The following FBXL20 variants were observed in gnomAD, a reference collection of about 807,000 sequenced individuals.
FBXL20 encodes the protein F-box and leucine rich repeat protein 20.
Under a neutral mutation model 64.0 loss-of-function variants are expected in FBXL20, and 11 were observed. The observed-to-expected ratio is 0.17, with a 90% CI of 0.11 to 0.28. FBXL20 has a LOEUF of 0.28. FBXL20 is among the 10% of genes least tolerant of loss of function. The probability of loss-of-function intolerance (pLI) is 1.00; values close to 1 mark genes in which losing one functional copy is unlikely to be tolerated. For synonymous variants in FBXL20, 184 were observed against 189.0 expected (o/e 0.97, Z 0.22); for missense variants, 303 against 526.2 (o/e 0.58, Z 4.15).
chr17:39,319,796 T>C (rs2047336727), intron 2 of FBXL20, among the ~76,000 whole-genome samples: 1 of 148,898 alleles, frequency 6.7e-6, no homozygotes, highest in South Asian at 2.1e-4. Context: ...ATTTTTAAAA[T>C]AGAGACCGGG....
At chr17:39,291,881 G>C (rs1350500618) in intron 6 of FBXL20, among the ~76,000 whole-genome samples, 7 of 152,028 alleles carry the variant, frequency 4.6e-5, no homozygotes, top group Admixed American at 3.3e-4. Context: ...GCAATTCTTT[G>C]AACTATGGGT....
intron 6 of FBXL20, among the ~76,000 whole-genome samples, chr17:39,293,104 C>A (rs776430171): frequency 1.6e-4 from 24 of 151,622 alleles, no homozygotes; most frequent in Non-Finnish European, 3.2e-4. Context: ...ACATGTCTTA[C>A]AATTTTTGAT....
At chr17:39,337,721 T>C (rs935789889) in intron 2 of FBXL20, among the ~76,000 whole-genome samples, 1 of 150,922 alleles carries the variant, frequency 6.6e-6, no homozygotes, top group Non-Finnish European at 1.5e-5. Flanking sequence ...AGTTGCCCCG[T>C]CTGAGAAGGG....
intron 2 of FBXL20, among the ~76,000 whole-genome samples, chr17:39,312,907 G>A (rs1296482334): frequency 4.4e-5 from 6 of 136,258 alleles, no homozygotes; most frequent in Admixed American, 3.1e-4. Flanking sequence ...ATTTGATAAT[G>A]AAGATAGTTA....
intron 5 of FBXL20, among the ~76,000 whole-genome samples, chr17:39,298,566 T>TTA (rs1347447512): frequency 6.6e-6 from 1 of 151,974 alleles, no homozygotes; most frequent in Non-Finnish European, 1.5e-5. Flanking sequence ...AAAAAAATTT[T>TTA]AAAACTTAGC....
At chr17:39,321,212 G>C (rs1470768010) in intron 2 of FBXL20, among the ~76,000 whole-genome samples, 1 of 152,132 alleles carries the variant, frequency 6.6e-6, no homozygotes, top group Non-Finnish European at 1.5e-5. Flanking sequence ...CCAGCACTTT[G>C]GGAGGCCAAG....
chr17:39,276,036 C>G lies in FBXL20; in HGVS notation c.697-936G>C, dbSNP rs113782552. ...CTGAGGTGGGTGGATCACCTGAGGT[C>G]GGGAGTTCGAGACCAGCCTGGCCAA... is the stretch of plus-strand genomic sequence containing the variant. On this transcript the variant is annotated intron_variant, in intron 9 of 14. Coordinates refer to ENST00000264658, the MANE Select transcript of FBXL20 (RefSeq NM_032875.3). Among the ~76,000 whole-genome samples, 643 of 150,994 alleles carry G rather than the reference C, an allele frequency of 4.3e-3. 7 individuals are homozygous for G. The highest frequency in any genetic ancestry group is 0.015 in the African/African-American group (610 of 41,140).
chr17:39,294,442 G>A (rs2047067190), intron 6 of FBXL20, among the ~76,000 whole-genome samples: 1 of 151,826 alleles, frequency 6.6e-6, no homozygotes, highest in Non-Finnish European at 1.5e-5. Context: ...ACCATGCCTG[G>A]CTAATTTTTT....
intron 12 of FBXL20, among the ~76,000 whole-genome samples, chr17:39,267,194 G>A (rs2046799344): frequency 6.6e-6 from 1 of 152,094 alleles, no homozygotes; most frequent in Non-Finnish European, 1.5e-5. Flanking sequence ...GGAGGTTGCA[G>A]TGAGCCGAGA....
intron 6 of FBXL20, among the ~76,000 whole-genome samples, chr17:39,289,644 A>G (rs2047019368): frequency 6.6e-6 from 1 of 151,348 alleles, no homozygotes; most frequent in Non-Finnish European, 1.5e-5. Context: ...GAAAGACCCT[A>G]TCTCAAGAAA....
intron 2 of FBXL20, among the ~76,000 whole-genome samples, chr17:39,311,549 A>AAAT (rs764537303): frequency 6.6e-6 from 1 of 152,036 alleles, no homozygotes; most frequent in African/African-American, 2.4e-5. Context: ...TCTCCTTAAT[A>AAAT]AATTTTCTAT....
chr17:39,337,785 C>T (rs1414725898), intron 2 of FBXL20, among the ~76,000 whole-genome samples: 4 of 151,316 alleles, frequency 2.6e-5, no homozygotes, highest in Non-Finnish European at 5.9e-5. Flanking sequence ...GGGGGTCAGC[C>T]CCCGCCAGGC....
intron 2 of FBXL20, among the ~76,000 whole-genome samples, chr17:39,338,796 A>T (rs2047554097): frequency 6.6e-6 from 1 of 152,202 alleles, no homozygotes; most frequent in Non-Finnish European, 1.5e-5. Flanking sequence ...ACTTGAATTT[A>T]ATTATGAGAA....
chr17:39,319,673 C>CAAAAAAAAAAAA (rs71300077), intron 2 of FBXL20, among the ~76,000 whole-genome samples: 2 of 47,302 alleles, frequency 4.2e-5, no homozygotes, highest in African/African-American at 1.5e-4. Flanking sequence ...GACTCCATAT[C>CAAAAAAAAAAAA]AAAAAAAAAA....
At chr17:39,296,219 A>G (rs549312745) in intron 6 of FBXL20, among the ~76,000 whole-genome samples, 2 of 152,270 alleles carry the variant, frequency 1.3e-5, no homozygotes, top group South Asian at 2.1e-4. Context: ...AGAGGTTAGT[A>G]TATTTCATCT....
chr17:39,270,663 T>C (rs959606012), intron 11 of FBXL20, 133 bp downstream of exon 11: 17 of 672,102 alleles, frequency 2.5e-5, no homozygotes, highest in African/African-American at 2.4e-4. Flanking sequence ...TCTGTAGCTA[T>C]AGCATGAAAC....
chr17:39,276,221 G>GAAAAAAAAAAAAAAAAAA (rs1215336803), intron 9 of FBXL20, among the ~76,000 whole-genome samples: 22 of 60,442 alleles, frequency 3.6e-4, no homozygotes, highest in Admixed American at 8.1e-4. Context: ...AGCAAGAAAA[G>GAAAAAAAAAAAAAAAAAA]AAAAAAAAAA....
chr17:39,388,577 G>C (rs34425563), intron 1 of FBXL20, among the ~76,000 whole-genome samples: 2 of 150,352 alleles, frequency 1.3e-5, no homozygotes, highest in African/African-American at 4.9e-5. Context: ...TCCGCCTCTC[G>C]GGTTCAAGCA....
chr17:39,394,078 G>T (rs377599885), intron 1 of FBXL20, among the ~76,000 whole-genome samples: 1 of 152,094 alleles, frequency 6.6e-6, no homozygotes, highest in Non-Finnish European at 1.5e-5. Context: ...CTAAGAATTC[G>T]CTTAGTCTCA....
Sources: allele counts gnomAD v4.1 joint callset (sites outside exome capture counted in the v4.1 genomes callset), GRCh38; gene constraint gnomAD v4.1.1; transcripts MANE v1.5; gene names NCBI Gene and HGNC (gene_info 2026-07-23, HGNC 2026-07-21).